Variants in EP300 observed in about 807,000 individuals in gnomAD.
EP300 encodes EP300 lysine acetyltransferase.
A neutral mutation model predicts 264.0 loss-of-function variants in EP300; 31 were observed. The ratio of observed to expected loss-of-function variants is 0.12; its 90% CI spans 0.09 to 0.16. The LOEUF (loss-of-function observed/expected upper bound fraction) is 0.16, where lower values mean the gene tolerates loss of function less well. Among genes scored for constraint, EP300 ranks in the 10% least tolerant of loss-of-function variants. EP300 has a pLI of 1.00. For missense variants in EP300, 2,766 were observed against 3,052.9 expected, an observed-to-expected ratio of 0.91 and a Z score of 2.21; for synonymous variants, 1,340 against 1,045.4, an observed-to-expected ratio of 1.28 and a Z score of -5.44.
intron 19 of EP300, 198 bp downstream of exon 19, chr22:41,158,698 T>TA: frequency 1.8e-6 from 1 of 568,624 alleles, no homozygotes; most frequent in East Asian, 3.1e-5. Context: ...TTGCATCAGT[T>TA]ACCTGGGTTC....
At position 41,117,282 on chromosome 22, in the gene EP300, C is replaced by T. The variant is rs776174730; in HGVS notation, c.190C>T (p.Leu64Phe). The T allele has an allele frequency of 5.0e-6, 8 of 1,614,064 alleles. No homozygotes were observed. In the African/African-American group the frequency reaches 1.1e-4, roughly 22 times the overall value. Residue 64 changes from leucine to phenylalanine, a missense_variant, in exon 2 of 31, where the codon CTT (leucine) becomes TTT (phenylalanine). Transcript: ENST00000263253. ...GLTNGGDINQLQTSLGMVQDA... is the reference protein window; with the variant it reads ...GLTNGGDINQFQTSLGMVQDA... ...AACCAATGGTGGTGATATTAATCAG[C>T]TTCAGACAAGTCTTGGCATGGTACA... is the stretch of plus-strand genomic sequence containing the variant.
intron 16 of EP300, among the ~76,000 whole-genome samples, chr22:41,154,173 G>A (rs1691175791): frequency 6.6e-6 from 1 of 151,946 alleles, no homozygotes; most frequent in Non-Finnish European, 1.5e-5. Context: ...CATTAAAATA[G>A]TACATGTCTC....
chr22:41,098,773 C>G (rs1011277687), intron 1 of EP300, among the ~76,000 whole-genome samples: 1 of 152,126 alleles, frequency 6.6e-6, no homozygotes, highest in East Asian at 1.9e-4. Context: ...TGCTAGAGTT[C>G]ATAGCCCAGG....
At chr22:41,174,741 T>C (rs5758251) in intron 29 of EP300, 40,591 of 152,080 alleles carry the variant, frequency 0.27, 6,419 homozygotes, top group East Asian at 0.55. Flanking sequence ...CAAGTTCTTA[T>C]AGGAAGTGGT....
intron 5 of EP300, among the ~76,000 whole-genome samples, chr22:41,130,562 C>T (rs1045364168): frequency 1.3e-5 from 2 of 151,660 alleles, no homozygotes; most frequent in Non-Finnish European, 2.9e-5. Flanking sequence ...ACAAAAAAAA[C>T]AACTGAACAC....
At chr22:41,153,111 TA>T (rs1238862333) in intron 16 of EP300, among the ~76,000 whole-genome samples, 4 of 152,158 alleles carry the variant, frequency 2.6e-5, no homozygotes, top group African/African-American at 7.2e-5. Flanking sequence ...TTAGCAAAGT[TA>T]AGTAACTTTC....
At chr22:41,164,198 C>G in intron 22 of EP300, 68 bp downstream of exon 22, 1 of 1,352,538 alleles carries the variant, frequency 7.4e-7, no homozygotes, top group Non-Finnish European at 1.1e-6. Context: ...GTTTTTTATT[C>G]TATGCAATTG....
intron 17 of EP300, 122 bp downstream of exon 17, chr22:41,155,235 T>C: frequency 1.1e-6 from 1 of 896,314 alleles, no homozygotes; most frequent in Non-Finnish European, 1.8e-6. Flanking sequence ...TGATTTTTTT[T>C]TTTTCCCCCT....
chr22:41,097,273 G>T (rs1046344600), intron 1 of EP300, among the ~76,000 whole-genome samples: 2 of 152,146 alleles, frequency 1.3e-5, no homozygotes, highest in Non-Finnish European at 2.9e-5. Flanking sequence ...TCTTGAATGC[G>T]TTACAATATG....
intron 1 of EP300, among the ~76,000 whole-genome samples, chr22:41,102,337 C>T (rs1370510992): frequency 6.6e-6 from 1 of 152,078 alleles, no homozygotes; most frequent in Admixed American, 6.6e-5. Flanking sequence ...CAGTAGTTAT[C>T]CTGGTGGCTG....
chr22:41,108,503 C>G (rs2058770992), intron 1 of EP300, among the ~76,000 whole-genome samples: 1 of 152,136 alleles, frequency 6.6e-6, no homozygotes, highest in Non-Finnish European at 1.5e-5. Flanking sequence ...CCAGCCTTGG[C>G]CTTCCAAAGT....
intron 10 of EP300, among the ~76,000 whole-genome samples, chr22:41,144,344 A>C (rs901552780): frequency 6.6e-6 from 1 of 151,920 alleles, no homozygotes; most frequent in African/African-American, 2.4e-5. Flanking sequence ...TATTTTCTTT[A>C]CCTCTAAATA....
At chr22:41,169,002 T>A (rs1463452365) in intron 25 of EP300, 135 bp downstream of exon 25, 1 of 1,278,944 alleles carries the variant, frequency 7.8e-7, no homozygotes, top group Non-Finnish European at 1.1e-6. Context: ...GTCCAGTAAT[T>A]TTAAAGTGAA....
chr22:41,161,269 A>G (rs968753445), intron 20 of EP300, among the ~76,000 whole-genome samples: 2 of 152,190 alleles, frequency 1.3e-5, no homozygotes, highest in African/African-American at 2.4e-5. Flanking sequence ...CAGTCTCACA[A>G]GCTCTTACCA....
chr22:41,157,556 CT>C, intron 18 of EP300, 148 bp downstream of exon 18: 1 of 945,710 alleles, frequency 1.1e-6, no homozygotes. Context: ...GGGTCTTATT[CT>C]CCCAGGCTGG....
chr22:41,130,555 A>G (rs1392277061), intron 5 of EP300, among the ~76,000 whole-genome samples: 1 of 152,048 alleles, frequency 6.6e-6, no homozygotes, highest in Non-Finnish European at 1.5e-5. Flanking sequence ...AAACAAAACA[A>G]AAAAAACAAC....
At chr22:41,134,155 ATTC>A (rs1299337601) in intron 6 of EP300, among the ~76,000 whole-genome samples, 1 of 97,740 alleles carries the variant, frequency 1.0e-5, no homozygotes, top group Non-Finnish European at 2.1e-5. Context: ...TGTTGATTTC[ATTC>A]TTTTCTTTTT....
chr22:41,166,263 C>T (rs2059133495), intron 22 of EP300, among the ~76,000 whole-genome samples: 1 of 152,212 alleles, frequency 6.6e-6, no homozygotes, highest in South Asian at 2.1e-4. Flanking sequence ...TCAAAATGTA[C>T]TTTCCAACTA....
At chr22:41,135,997 G>A (rs1479068938) in intron 7 of EP300, 91 bp downstream of exon 7, 1 of 969,498 alleles carries the variant, frequency 1.0e-6, no homozygotes. Flanking sequence ...AGTTTCCTCG[G>A]TTTGAGGATG....
Sources: allele counts gnomAD v4.1 joint callset (sites outside exome capture counted in the v4.1 genomes callset), GRCh38; gene constraint gnomAD v4.1.1; transcripts MANE v1.5; gene names NCBI Gene and HGNC (gene_info 2026-07-23, HGNC 2026-07-21).